The following SEC11A variants were observed in gnomAD, a reference collection of about 807,000 sequenced individuals.
The protein encoded by SEC11A is signal peptidase complex catalytic subunit SEC11A.
SEC11A carries 14 observed loss-of-function variants against 25.6 expected under a neutral mutation model. The ratio of observed to expected loss-of-function variants is 0.55; its 90% CI spans 0.36 to 0.85. The LOEUF is 0.85. Ranked by LOEUF, SEC11A falls within the 40% of genes least tolerant of loss-of-function variation. The pLI is 0.01. For synonymous variants in SEC11A, 83 were observed against 76.4 expected, an observed-to-expected ratio of 1.09 and a Z score of -0.45; for missense variants, 153 against 222.9, an observed-to-expected ratio of 0.69 and a Z score of 2.00.
intron 2 of SEC11A, among the ~76,000 whole-genome samples, chr15:84,690,081 A>G (rs1232758579): frequency 6.6e-6 from 1 of 152,184 alleles, no homozygotes; most frequent in Non-Finnish European, 1.5e-5. Flanking sequence ...CAGACTGGGC[A>G]ACACAGTGAG....
intron 1 of SEC11A, among the ~76,000 whole-genome samples, chr15:84,711,279 G>A (rs1898256586): frequency 6.6e-6 from 1 of 151,890 alleles, no homozygotes; most frequent in African/African-American, 2.4e-5. Flanking sequence ...CTACTCCAGA[G>A]GCTGAGGTGG....
At chr15:84,691,416 C>G (rs1897602818) in intron 2 of SEC11A, 119 bp downstream of exon 2, 1 of 618,638 alleles carries the variant, frequency 1.6e-6, no homozygotes, top group Non-Finnish European at 2.9e-6. Context: ...AATTTTCTTC[C>G]AGGCCCTTTT....
At chr15:84,679,470 C>T (rs1897228179) in intron 4 of SEC11A, among the ~76,000 whole-genome samples, 1 of 152,200 alleles carries the variant, frequency 6.6e-6, no homozygotes, top group South Asian at 2.1e-4. Flanking sequence ...AGGAAGCTTT[C>T]ACTTAGCAAC....
At chr15:84,694,453 C>T (rs1176383215) in intron 1 of SEC11A, among the ~76,000 whole-genome samples, 2 of 151,914 alleles carry the variant, frequency 1.3e-5, no homozygotes, top group Non-Finnish European at 2.9e-5. Flanking sequence ...TCTACATTTT[C>T]TACTTCCCTT....
intron 2 of SEC11A, among the ~76,000 whole-genome samples, chr15:84,690,409 G>T (rs767733093): frequency 6.6e-6 from 1 of 152,058 alleles, no homozygotes; most frequent in South Asian, 2.1e-4. Flanking sequence ...TCTTGGGTAC[G>T]TCTTTATCAG....
chr15:84,703,652 T>G (rs1405448776), intron 1 of SEC11A, among the ~76,000 whole-genome samples: 1 of 152,120 alleles, frequency 6.6e-6, no homozygotes. Context: ...AGTTGTTCAT[T>G]TTGCCTGGAT....
intron 2 of SEC11A, among the ~76,000 whole-genome samples, 181 bp from the exon 3 acceptor site, chr15:84,687,955 G>A (rs73449381): frequency 0.013 from 1,942 of 152,200 alleles, 39 homozygotes; most frequent in African/African-American, 0.041. Flanking sequence ...AAAAAGTTAC[G>A]CCAAAGGATT....
rs867656131 is a variant in SEC11A at position 84,687,758 on chromosome 15, C to T, written c.178G>A (p.Ala60Thr). The T allele has an allele frequency of 6.3e-7, 1 of 1,596,386 alleles. No individual in the cohort carries two copies. Among genetic ancestry groups the T allele is most frequent in the Non-Finnish European group, 8.5e-7 (1 of 1,175,636 alleles). Reference sequence around the variant, plus strand: ...AAGAGAAGATCTCCTCTATGAAATGCAGGTTCCATGCTGCCACTGGAAGGG... The same window carrying T: ...AAGAGAAGATCTCCTCTATGAAATGTAGGTTCCATGCTGCCACTGGAAGGG... ...VVVLSGSMEPAFHRGDLLFLT... is the reference protein window; with the variant it reads ...VVVLSGSMEPTFHRGDLLFLT... Residue 60 changes from alanine (A) to threonine (T), a missense_variant, in exon 3 of 6, where the codon GCA becomes ACA. Ala to Thr is a moderately conservative substitution (Grantham distance 58). Transcript: ENST00000268220.
intron 1 of SEC11A, among the ~76,000 whole-genome samples, chr15:84,708,998 G>A (rs1200979489): frequency 6.6e-6 from 1 of 151,966 alleles, no homozygotes; most frequent in Non-Finnish European, 1.5e-5. Context: ...AGCAATATAA[G>A]TGGCCTGCGG....
At chr15:84,689,133 T>C (rs1897522509) in intron 2 of SEC11A, among the ~76,000 whole-genome samples, 1 of 148,068 alleles carries the variant, frequency 6.8e-6, no homozygotes, top group South Asian at 2.2e-4. Flanking sequence ...ACTTGGGAGG[T>C]TGAGGGGGGA....
At chr15:84,677,465 TTTTC>T (rs1368752511) in intron 4 of SEC11A, among the ~76,000 whole-genome samples, 3 of 151,290 alleles carry the variant, frequency 2.0e-5, no homozygotes, top group Admixed American at 6.6e-5. Context: ...GAATTTTTTC[TTTTC>T]TTTTTCTTTT....
Position 84,702,075 on chromosome 15 carries a change from G to GATA in SEC11A, c.52-10434_52-10432dup, listed in dbSNP as rs555564613. On this transcript the variant is annotated intron_variant, in intron 1 of 5. Transcript: ENST00000268220. Reference sequence around the variant, plus strand: ...AGCGAGAGTCTGTCTCAATAACAATGATAATAATAATAATAATAATAGGGA... The same window carrying GATA: ...AGCGAGAGTCTGTCTCAATAACAATGATAATAATAATAATAATAATAATAGGGA... 8.7e-3 allele frequency among the ~76,000 whole-genome samples: 1,307 copies of GATA among 150,158 alleles called. 11 individuals carry two copies. Among genetic ancestry groups the GATA allele is most frequent in the African/African-American group, 0.017 (711 of 40,920 alleles).
At chr15:84,710,514 ATAAT>A (rs1254979908) in intron 1 of SEC11A, among the ~76,000 whole-genome samples, 2 of 152,122 alleles carry the variant, frequency 1.3e-5, no homozygotes, top group Non-Finnish European at 2.9e-5. Flanking sequence ...GTGCACGCCT[ATAAT>A]CCCAGCTACT....
rs964521346 is a variant in SEC11A, at chr15:84,715,887, T to A, written c.51+138A>T. On this transcript the variant is annotated intron_variant, in intron 1 of 5. Transcript: ENST00000268220. ...CGGACAAGGCGGCCTCTGGCCACAG[T>A]CTCCAAAGAAAGCGAATGACCCGGG... 3 of 781,196 alleles carry A rather than the reference T, an allele frequency of 3.8e-6. No individual in the cohort carries two copies. The Admixed American group carries it at 7.3e-5, about 19-fold the overall frequency. 48.4% of individuals were successfully genotyped at this position (781,196 alleles called of 1,614,324 possible).
At chr15:84,687,566 A>G (rs1897464724) in intron 3 of SEC11A, 59 bp downstream of exon 3, 2 of 1,412,912 alleles carry the variant, frequency 1.4e-6, no homozygotes, top group African/African-American at 1.5e-5. Context: ...TCAAAACTAA[A>G]TACCACAAAC....
At chr15:84,715,948 G>T in intron 1 of SEC11A, 77 bp downstream of exon 1, 1 of 1,396,448 alleles carries the variant, frequency 7.2e-7, no homozygotes, top group South Asian at 1.2e-5. Context: ...CCAGAACCCT[G>T]GGGTCCGCCG....
chr15:84,687,792 A>G lies in SEC11A; in HGVS notation c.162-18T>C, dbSNP rs1363969799. On this transcript the variant is annotated intron_variant, in intron 2 of 5. Transcript: ENST00000268220. ...TGCTGCCACTGGAAGGGAAAGAAGAATATAACAGCAAAAAGAAAGTATGAG... is the reference window on the plus strand; with the variant it reads ...TGCTGCCACTGGAAGGGAAAGAAGAGTATAACAGCAAAAAGAAAGTATGAG... The G allele has an allele frequency of 6.3e-7, 1 of 1,575,292 alleles. No homozygotes were observed.
chr15:84,694,374 AAAAT>A (rs1280970068), intron 1 of SEC11A, among the ~76,000 whole-genome samples: 3 of 152,124 alleles, frequency 2.0e-5, no homozygotes, highest in Admixed American at 1.3e-4. Flanking sequence ...GGAAGAAAAT[AAAAT>A]AAATGTTAGT....
At chr15:84,704,127 A>C (rs1375065365) in intron 1 of SEC11A, among the ~76,000 whole-genome samples, 1 of 152,198 alleles carries the variant, frequency 6.6e-6, no homozygotes, top group African/African-American at 2.4e-5. Context: ...GGATCATTTC[A>C]ATCATGAAAG....
Sources: gnomAD v4.1 joint callset for allele counts (sites outside exome capture counted in the v4.1 genomes callset) on GRCh38, gnomAD v4.1.1 for gene constraint, MANE v1.5 for transcripts, NCBI Gene and HGNC (gene_info 2026-07-23, HGNC 2026-07-21) for gene names.